The following TJP2 variants were observed in gnomAD, a reference collection of about 807,000 sequenced individuals.
TJP2 encodes the protein Friedreich ataxia region gene X104 (tight junction protein ZO-2).
Under a neutral mutation model 133.1 loss-of-function variants are expected in TJP2, and 91 were observed. That is an observed-to-expected ratio of 0.68 (90% CI 0.58 to 0.81). TJP2 has a LOEUF of 0.81. Ranked by LOEUF, TJP2 falls within the 40% of genes least tolerant of loss-of-function variation. The pLI is 0.00. For missense variants in TJP2, 1,541 were observed against 1,565.6 expected, an observed-to-expected ratio of 0.98 and a Z score of 0.26; for synonymous variants, 592 against 583.4, an observed-to-expected ratio of 1.01 and a Z score of -0.21.
chr9:69,240,717 C>T (rs577670154), intron 17 of TJP2, among the ~76,000 whole-genome samples: 4 of 151,668 alleles, frequency 2.6e-5, no homozygotes, highest in Non-Finnish European at 5.9e-5. Context: ...GTTGGAGGAT[C>T]GCTTGAGCCA....
At chr9:69,220,841 C>G (rs759774002) in intron 4 of TJP2, 46 bp from the exon 5 acceptor site, 6 of 1,581,816 alleles carry the variant, frequency 3.8e-6, no homozygotes, top group East Asian at 2.2e-5. Context: ...TCTCCACATT[C>G]AGTTGTGATT....
At chr9:69,212,639 T>A (rs900004173) in intron 2 of TJP2, 38 bp downstream of exon 2, 1 of 1,543,692 alleles carries the variant, frequency 6.5e-7, no homozygotes, top group African/African-American at 1.4e-5. Context: ...ACAGTCATGT[T>A]CTTGATTTTA....
chr9:69,206,678 A>C (rs1263495034), intron 1 of TJP2, among the ~76,000 whole-genome samples: 1 of 151,990 alleles, frequency 6.6e-6, no homozygotes, highest in African/African-American at 2.4e-5. Flanking sequence ...CCCGGGTTCG[A>C]GCCATTCTCC....
chr9:69,230,093 A>G lies in TJP2; in HGVS notation c.1532A>G (p.Lys511Arg), dbSNP rs763256943. The G allele has an allele frequency of 2.5e-6, 4 of 1,614,132 alleles. No homozygotes were observed. Among genetic ancestry groups the G allele is most frequent in the Admixed American group, 1.7e-5 (1 of 60,010 alleles). Residue 511 changes from lysine to arginine, a missense_variant, in exon 11 of 23, where the codon AAA becomes AGA. Lys to Arg is a conservative substitution (Grantham distance 26). Transcript: ENST00000377245. ...GGAACCTATTGCAGCCCTAATACCAAAATGGTAAGGTTCAAGAAGGGAGAC... is the reference window on the plus strand; with the variant it reads ...GGAACCTATTGCAGCCCTAATACCAGAATGGTAAGGTTCAAGAAGGGAGAC... ...EDEAIYGPNT[K>R]MVRFKKGDSV... is the part of the protein sequence containing the mutation.
chr9:69,160,309 T>C (rs968395571), intron 2 of TJP2, among the ~76,000 whole-genome samples: 4 of 152,244 alleles, frequency 2.6e-5, no homozygotes, highest in Admixed American at 1.3e-4. Context: ...CTTATGACTT[T>C]GGAGGTAGGA....
intron 1 of TJP2, among the ~76,000 whole-genome samples, chr9:69,184,752 C>CTTTT (rs564424748): frequency 5.6e-5 from 7 of 125,854 alleles, no homozygotes; most frequent in Admixed American, 9.0e-5. Flanking sequence ...TCTCTCTCTT[C>CTTTT]TTTTTTTTTT....
intron 1 of TJP2, among the ~76,000 whole-genome samples, chr9:69,148,268 A>C (rs1266375674): frequency 1.9e-4 from 17 of 88,884 alleles, no homozygotes; most frequent in South Asian, 4.0e-4. Flanking sequence ...TTTTTGAGAC[A>C]CAGTCTCAAA....
intron 1 of TJP2, among the ~76,000 whole-genome samples, chr9:69,177,180 C>T (rs1345857602): frequency 1.3e-5 from 2 of 152,128 alleles, no homozygotes; most frequent in East Asian, 3.8e-4. Context: ...TAATCAGGGG[C>T]CCAACAGTTG....
intron 1 of TJP2, chr9:69,204,972 T>C: frequency 7.6e-7 from 1 of 1,318,250 alleles, no homozygotes; most frequent in South Asian, 2.6e-5. Flanking sequence ...TCTTTTTTGC[T>C]CATAAGTAGT....
Position 69,221,474 on chromosome 9 carries a change from G to C in TJP2, c.930G>C (p.Leu310=). The change falls in exon 5 of 23, where the codon CTG becomes CTC. Residue 310 remains leucine, a synonymous_variant. Coordinates refer to ENST00000377245, the MANE Select transcript of TJP2 (RefSeq NM_004817.4). The stretch of plus-strand genomic sequence containing the variant: ...GGCCGGGGCCCATCGGGGTCCTCCT[G>C]ATGAAAAGCAGAGCGAACGAAGGTA... ...RGRPGPIGVL[L]MKSRANEEYG... The C allele has an allele frequency of 6.2e-7, 1 of 1,601,308 alleles. No homozygotes were observed. The highest frequency in any genetic ancestry group is 8.5e-7 in the Non-Finnish European group (1 of 1,173,766).
chr9:69,190,392 T>A (rs1368276436), intron 1 of TJP2, among the ~76,000 whole-genome samples: 1 of 152,216 alleles, frequency 6.6e-6, no homozygotes, highest in Non-Finnish European at 1.5e-5. Flanking sequence ...AGTATGTGAT[T>A]GGAAACTGAA....
intron 1 of TJP2, among the ~76,000 whole-genome samples, chr9:69,134,322 T>C (rs1822633237): frequency 6.6e-6 from 1 of 152,022 alleles, no homozygotes; most frequent in African/African-American, 2.4e-5. Flanking sequence ...GGTGCACAGG[T>C]AAACATAAAT....
intron 1 of TJP2, among the ~76,000 whole-genome samples, chr9:69,183,386 G>A (rs533614335): frequency 4.1e-4 from 63 of 152,198 alleles, no homozygotes; most frequent in African/African-American, 1.4e-3. Flanking sequence ...TTCTCTCACC[G>A]TGGAACACTT....
In TJP2 at chr9:69,240,040, G is replaced by T; in HGVS notation, c.2459G>T (p.Gly820Val). 2 of 1,614,024 alleles carry T rather than the reference G, an allele frequency of 1.2e-6. No homozygotes were observed. The highest frequency in any genetic ancestry group is 1.7e-6 in the Non-Finnish European group (2 of 1,180,016). ...TTTTTCAACCCAGACTCCAGACAAG[G>T]TGTCAAAACCATGAGACAAAGGTTA... The part of the protein sequence containing the change: ...VIFFNPDSRQ[G>V]VKTMRQRLNP... The change falls in exon 17 of 23, where the codon GGT becomes GTT. Residue 820 changes from glycine (G) to valine (V), a missense_variant. Gly to Val is a moderately radical substitution (Grantham distance 109). Transcript: ENST00000377245.
intron 1 of TJP2, chr9:69,204,858 T>G: frequency 8.8e-7 from 1 of 1,139,190 alleles, no homozygotes; most frequent in Non-Finnish European, 1.1e-6. Context: ...CTGAATCATT[T>G]TATGTGCTTA....
intron 3 of TJP2, among the ~76,000 whole-genome samples, 174 bp downstream of exon 3, chr9:69,216,637 A>G (rs1024894945): frequency 6.6e-6 from 1 of 151,712 alleles, no homozygotes; most frequent in African/African-American, 2.4e-5. Context: ...ATGTTTGAAT[A>G]ATGCCCAAAC....
chr9:69,245,458 C>T (rs1347071466), intron 17 of TJP2, among the ~76,000 whole-genome samples: 15 of 152,268 alleles, frequency 9.9e-5, no homozygotes. Context: ...ACTTGCTTGT[C>T]TAATTTATCT....
Position 69,133,546 on chromosome 9 carries a change from C to CTTTTTTTTTTT in TJP2, c.-131+11834_-131+11844dup, listed in dbSNP as rs10577570. 2.5e-4 allele frequency among the ~76,000 whole-genome samples: 26 copies of CTTTTTTTTTTT among 104,784 alleles called. 2 individuals carry two copies. Among genetic ancestry groups the CTTTTTTTTTTT allele is most frequent in the African/African-American group, 9.8e-4 (25 of 25,626 alleles). 68.7% of individuals were successfully genotyped at this position (104,784 alleles called of 152,430 possible). A position where few individuals can be genotyped will look rare whatever the true frequency, so the allele number is the denominator to read the frequency against. On this transcript the variant is annotated intron_variant, in intron 1 of 5. Coordinates refer to the TJP2 transcript ENST00000423935. Reference sequence around the variant, plus strand: ...ATGCTTTCCTGTTTCATTTTTCTGGCTTTTTTTTTTTTTTTTTTTTTTTGA... The same window carrying CTTTTTTTTTTT: ...ATGCTTTCCTGTTTCATTTTTCTGGCTTTTTTTTTTTTTTTTTTTTTTTTTTTTTTTTTTGA...
chr9:69,205,746 C>G (rs1827349083), intron 1 of TJP2, among the ~76,000 whole-genome samples: 1 of 152,140 alleles, frequency 6.6e-6, no homozygotes, highest in African/African-American at 2.4e-5. Flanking sequence ...TGAAGCATGT[C>G]CCTTACGTGG....
Sources: allele counts gnomAD v4.1 joint callset (sites outside exome capture counted in the v4.1 genomes callset), GRCh38; gene constraint gnomAD v4.1.1; transcripts MANE v1.5; gene names NCBI Gene and HGNC (gene_info 2026-07-23, HGNC 2026-07-21).